MFHAS1: variants seen among roughly 807,000 people sequenced by gnomAD.
MFHAS1 encodes multifunctional ROCO family signaling regulator 1.
MFHAS1 carries 50 observed loss-of-function variants against 70.4 expected under a neutral mutation model. The observed-to-expected ratio is 0.71, with a 90% CI of 0.57 to 0.90. The LOEUF (loss-of-function observed/expected upper bound fraction) is 0.90. Among genes scored for constraint, MFHAS1 ranks in the 40% least tolerant of loss-of-function variants. The probability of loss-of-function intolerance (pLI) is 0.00; values close to 1 mark genes in which losing one functional copy is unlikely to be tolerated. For synonymous variants in MFHAS1, 952 were observed against 620.0 expected (o/e 1.54, Z -7.96); for missense variants, 1,795 against 1,347.6 (o/e 1.33, Z -5.20).
Position 8,890,876 on chromosome 8 carries a change from T to C in MFHAS1, c.2183A>G (p.His728Arg), listed in dbSNP as rs763367921. The C allele has an allele frequency of 6.2e-7, 1 of 1,614,114 alleles. No homozygotes were observed. Among genetic ancestry groups the C allele is most frequent in the Non-Finnish European group, 8.5e-7 (1 of 1,180,022 alleles). The stretch of plus-strand genomic sequence containing the variant: ...GATGTCGATGAGGCGGGTGAGGTTG[T>C]GGAAGACGTGCTCCTTGAGAGCCGG... ...DSPALKEHVF[H>R]NLTRLIDILN... Residue 728 changes from histidine (H) to arginine (R), a missense_variant, in exon 1 of 3, where the codon CAC (histidine) becomes CGC (arginine). By Grantham distance (29) the His-to-Arg change is conservative. Coordinates refer to ENST00000276282, the MANE Select transcript of MFHAS1 (RefSeq NM_004225.3).
In MFHAS1 at chr8:8,785,769, G is replaced by T; in HGVS notation, c.*253C>A. On this transcript the variant is annotated 3_prime_UTR_variant, in exon 3 of 3. Coordinates refer to ENST00000276282, the MANE Select transcript of MFHAS1 (RefSeq NM_004225.3). ...TTTTTTTTTTTCTTTTCTTCAAGTA[G>T]CGCGCTCCTTGGAGGATCACAGTTC... 2.6e-6 allele frequency: 1 copy of T among 387,926 alleles called. No individual in the cohort carries two copies. The highest frequency in any genetic ancestry group is 4.6e-6 in the Non-Finnish European group (1 of 216,732). 24.0% of individuals were successfully genotyped at this position (387,926 alleles called of 1,614,324 possible).
intron 1 of MFHAS1, chr8:8,860,043 A>T (rs779592886): frequency 5.9e-5 from 9 of 152,290 alleles, no homozygotes; most frequent in Non-Finnish European, 1.2e-4. Context: ...CAAAGCCTGT[A>T]TTCTCTCCCA....
At chr8:8,838,310 C>G (rs997762336) in intron 1 of MFHAS1, among the ~76,000 whole-genome samples, 3 of 152,214 alleles carry the variant, frequency 2.0e-5, no homozygotes, top group Middle Eastern at 3.4e-3. Flanking sequence ...GGGGAAGGGT[C>G]TATATTCTTG....
At chr8:8,801,392 G>A (rs369907496) in intron 1 of MFHAS1, among the ~76,000 whole-genome samples, 1 of 152,162 alleles carries the variant, frequency 6.6e-6, no homozygotes, top group East Asian at 1.9e-4. Context: ...AAGGCACTGA[G>A]AAGTTTCACA....
At position 8,794,638 on chromosome 8, in the gene MFHAS1, C is replaced by A. The variant is rs192218145; in HGVS notation, c.3125+2727G>T. Among the ~76,000 whole-genome samples, 8 of 152,326 alleles carry A rather than the reference C, an allele frequency of 5.3e-5. No homozygotes were observed. In the East Asian group the frequency reaches 1.5e-3, roughly 29 times the overall value. ...AATATGGTAATTTTCCAAGAAACGT[C>A]TTGCCAGGAATATGAAACTTCCCTA... On this transcript the variant is annotated intron_variant, in intron 2 of 2. Coordinates refer to ENST00000276282, the MANE Select transcript of MFHAS1 (RefSeq NM_004225.3).
In MFHAS1 at chr8:8,798,231, C is replaced by A. The variant is rs150968891; in HGVS notation, c.2999-740G>T. On this transcript the variant is annotated intron_variant, in intron 1 of 2. Transcript: ENST00000276282. ...TCTCTCATCCATATACCCAGGGCAC[C>A]CTGCCCTTTCTCAGAGAGTACTCAA... Among the ~76,000 whole-genome samples the A allele has an allele frequency of 4.4e-4, 67 of 152,302 alleles. 1 individual carries two copies. The East Asian group carries it at 0.012, about 28-fold the overall frequency.
At chr8:8,839,052 A>C (rs1301806377) in intron 1 of MFHAS1, among the ~76,000 whole-genome samples, 2 of 152,202 alleles carry the variant, frequency 1.3e-5, no homozygotes, top group East Asian at 3.9e-4. Context: ...AAATGACAGT[A>C]ATATTGACAA....
At chr8:8,878,695 G>A (rs894694248) in intron 1 of MFHAS1, among the ~76,000 whole-genome samples, 3 of 151,976 alleles carry the variant, frequency 2.0e-5, no homozygotes, top group African/African-American at 7.3e-5. Context: ...AAAAAAGGAG[G>A]GAAGGACAGA....
chr8:8,889,548 C>A (rs759942080), intron 1 of MFHAS1, among the ~76,000 whole-genome samples: 1 of 152,202 alleles, frequency 6.6e-6, no homozygotes, highest in African/African-American at 2.4e-5. Flanking sequence ...CTATGCATTG[C>A]ATGCCTGTAT....
At chr8:8,886,161 G>C (rs1319838804) in intron 1 of MFHAS1, among the ~76,000 whole-genome samples, 1 of 151,766 alleles carries the variant, frequency 6.6e-6, no homozygotes, top group African/African-American at 2.4e-5. Context: ...ACTAGTGATT[G>C]CTGGATGTGC....
intron 1 of MFHAS1, among the ~76,000 whole-genome samples, chr8:8,808,902 G>A (rs73201850): frequency 2.6e-5 from 4 of 152,150 alleles, no homozygotes; most frequent in Admixed American, 2.0e-4. Flanking sequence ...ACTGGTACGC[G>A]TCCATGGGCA....
Position 8,891,571 on chromosome 8 carries a change from G to T in MFHAS1, c.1488C>A (p.Ala496=), listed in dbSNP as rs760800087. The change falls in exon 1 of 3, where the codon GCC becomes GCA. Residue 496 remains alanine, a synonymous_variant. Transcript: ENST00000276282. The surrounding 1 kb of genome is among the most constrained non-coding windows in gnomAD (Gnocchi z 5.4). ...VIQPFFLSPG[A]LYVLVVNLAT... is the part of the protein sequence containing the mutation. ...CCAAGTTGACCACCAGCACGTATAG[G>T]GCCCCTGGGGACAGGAAGAAGGGCT... 1 of 1,613,224 alleles carries T rather than the reference G, an allele frequency of 6.2e-7. No individual in the cohort carries two copies. The highest frequency in any genetic ancestry group is 2.2e-5 in the East Asian group (1 of 44,878).
intron 1 of MFHAS1, among the ~76,000 whole-genome samples, chr8:8,874,386 T>C (rs909962519): frequency 6.6e-6 from 1 of 151,672 alleles, no homozygotes; most frequent in African/African-American, 2.4e-5. Flanking sequence ...AATAATCTTC[T>C]ATAACAGGGT....
intron 1 of MFHAS1, among the ~76,000 whole-genome samples, chr8:8,868,964 G>C (rs1024924104): frequency 1.3e-5 from 2 of 152,178 alleles, no homozygotes; most frequent in Admixed American, 6.5e-5. Context: ...AAGTCAGTGA[G>C]AAAAAAGATT....
At position 8,892,692 on chromosome 8, in the gene MFHAS1, G is replaced by T. The variant is rs771980168; in HGVS notation, c.367C>A (p.Leu123Met). ...LTELDVSHNRLTALGAEVVSA... is the reference protein window; with the variant it reads ...LTELDVSHNRMTALGAEVVSA... The stretch of plus-strand genomic sequence containing the variant: ...ACCACCTCCGCGCCCAGGGCGGTCA[G>T]CCGGTTGTGGCTCACGTCCAGCTCG... The change falls in exon 1 of 3, where the codon CTG (leucine) becomes ATG (methionine). Residue 123 changes from leucine (L) to methionine (M), a missense_variant. Coordinates refer to ENST00000276282, the MANE Select transcript of MFHAS1 (RefSeq NM_004225.3). This position sits in a 1 kb window ranked among gnomAD's most constrained non-coding sequence, Gnocchi z 4.7. 1 of 1,581,720 alleles carries T rather than the reference G, an allele frequency of 6.3e-7. No homozygotes were observed. The highest frequency in any genetic ancestry group is 1.3e-5 in the African/African-American group (1 of 74,438).
intron 1 of MFHAS1, among the ~76,000 whole-genome samples, chr8:8,841,237 G>A (rs966252683): frequency 6.6e-6 from 1 of 152,152 alleles, no homozygotes; most frequent in African/African-American, 2.4e-5. Context: ...CACTTTGGGA[G>A]GCCGAGGCAG....
At chr8:8,864,319 G>A (rs367581104) in intron 1 of MFHAS1, among the ~76,000 whole-genome samples, 8 of 152,136 alleles carry the variant, frequency 5.3e-5, no homozygotes, top group South Asian at 2.1e-4. Context: ...CATGAGGGCC[G>A]CCCACTGCAC....
chr8:8,890,404 G>A lies in MFHAS1; in HGVS notation c.2655C>T (p.Ser885=), dbSNP rs1178387219. Residue 885 remains serine (S), a synonymous_variant, in exon 1 of 3, where the codon AGC becomes AGT. Transcript: ENST00000276282. ...ACCCAAGTGGAAAAGTAAAAGGAAA[G>A]CTATATTCAATCTGCAACTGCTCAG... is the stretch of plus-strand genomic sequence containing the variant. ...FVAEQLQIEY[S]FPFTFPLGLF... is the part of the protein sequence containing the mutation. The A allele has an allele frequency of 2.5e-6, 4 of 1,614,086 alleles. No individual in the cohort carries two copies. In the East Asian group the frequency reaches 8.9e-5, roughly 36 times the overall value.
At chr8:8,819,497 C>A (rs193240169) in intron 1 of MFHAS1, among the ~76,000 whole-genome samples, 2 of 149,616 alleles carry the variant, frequency 1.3e-5, no homozygotes, top group Non-Finnish European at 3.0e-5. Flanking sequence ...CCCAGCTACT[C>A]GGGAGGCTGA....
Sources: gnomAD v4.1 joint callset for allele counts (sites outside exome capture counted in the v4.1 genomes callset) on GRCh38, gnomAD v4.1.1 for gene constraint, Gnocchi (gnomAD v3.1) non-coding constraint, MANE v1.5 for transcripts, NCBI Gene and HGNC (gene_info 2026-07-23, HGNC 2026-07-21) for gene names.